DGKI: variants seen among roughly 807,000 people sequenced by gnomAD.
DGKI encodes DAG kinase iota.
In DGKI, 55 loss-of-function variants were observed where a neutral mutation model predicts 147.5. The observed-to-expected ratio is 0.37, with a 90% CI of 0.30 to 0.47. The LOEUF (loss-of-function observed/expected upper bound fraction) is 0.47. Ranked by LOEUF, DGKI falls within the 20% of genes least tolerant of loss-of-function variation. The pLI is 1.00. For synonymous variants in DGKI, 469 were observed against 477.1 expected, an observed-to-expected ratio of 0.98 and a Z score of 0.22; for missense variants, 1,007 against 1,323.8, an observed-to-expected ratio of 0.76 and a Z score of 3.71.
At chr7:137,572,710 T>A in intron 18 of DGKI, 55 bp downstream of exon 18, 1 of 1,223,278 alleles carries the variant, frequency 8.2e-7, no homozygotes, top group Non-Finnish European at 1.2e-6. Flanking sequence ...TGAAAACAGA[T>A]AACCTCAAGT....
intron 21 of DGKI, among the ~76,000 whole-genome samples, chr7:137,502,125 T>G (rs1816195619): frequency 6.6e-6 from 1 of 152,154 alleles, no homozygotes; most frequent in Non-Finnish European, 1.5e-5. Flanking sequence ...CTCTTTCCTT[T>G]GTAAATTCCC....
rs181333951 is a variant in DGKI, at chr7:137,672,827, C to T, written c.606+5730G>A. Among the ~76,000 whole-genome samples, 294 of 126,508 alleles carry T rather than the reference C, an allele frequency of 2.3e-3. 1 individual carries two copies. The highest frequency in any genetic ancestry group is 8.7e-3 in the African/African-American group (280 of 32,172). 83.0% of individuals were successfully genotyped at this position (126,508 alleles called of 152,430 possible). ...GGGAGTTTCGCTCTTTTTGCCCAGG[C>T]TGGAGTGCAATGGCACGATCTCGGC... On this transcript the variant is annotated intron_variant, in intron 3 of 32. Transcript: ENST00000614521.
chr7:137,397,335 G>A (rs1490188258), intron 31 of DGKI, 42 bp downstream of exon 31: 5 of 1,580,048 alleles, frequency 3.2e-6, no homozygotes, highest in Admixed American at 1.7e-5. Context: ...GATATGTTCT[G>A]AAGAAAATAA....
chr7:137,583,967 CAT>C (rs1360126366), intron 14 of DGKI, among the ~76,000 whole-genome samples: 2 of 152,042 alleles, frequency 1.3e-5, no homozygotes, highest in African/African-American at 4.8e-5. Flanking sequence ...CAGAGTAAAA[CAT>C]GTTTTAATCT....
At chr7:137,726,437 G>A (rs985589207) in intron 1 of DGKI, among the ~76,000 whole-genome samples, 1 of 151,982 alleles carries the variant, frequency 6.6e-6, no homozygotes, top group African/African-American at 2.4e-5. Context: ...AGAAAATCAG[G>A]TAAGATAATT....
intron 32 of DGKI, 132 bp downstream of exon 32, chr7:137,395,466 T>A: frequency 1.4e-6 from 1 of 723,512 alleles, no homozygotes; most frequent in Non-Finnish European, 2.3e-6. Flanking sequence ...CTCTATTTTT[T>A]CCTCCTTTTT....
intron 24 of DGKI, among the ~76,000 whole-genome samples, chr7:137,469,088 A>G (rs992417094): frequency 2.6e-5 from 4 of 152,250 alleles, no homozygotes; most frequent in African/African-American, 9.6e-5. Flanking sequence ...GGATCTGAGC[A>G]GATTTGAATG....
intron 7 of DGKI, among the ~76,000 whole-genome samples, chr7:137,623,242 G>C (rs1304358567): frequency 6.6e-6 from 1 of 152,154 alleles, no homozygotes. Context: ...TCTAGTCTTT[G>C]ACCCCAAGCT....
chr7:137,677,049 A>C (rs1201070131), intron 3 of DGKI, among the ~76,000 whole-genome samples: 1 of 152,224 alleles, frequency 6.6e-6, no homozygotes, highest in Non-Finnish European at 1.5e-5. Flanking sequence ...TTACGCAATT[A>C]ACCAAGACAC....
At chr7:137,709,879 ATACTT>A (rs1487202841) in intron 1 of DGKI, among the ~76,000 whole-genome samples, 2 of 152,118 alleles carry the variant, frequency 1.3e-5, no homozygotes, top group Admixed American at 6.5e-5. Context: ...AAATGAATAA[ATACTT>A]TAAAAAGAAC....
At chr7:137,667,737 T>C (rs543053594) in intron 3 of DGKI, among the ~76,000 whole-genome samples, 3 of 152,210 alleles carry the variant, frequency 2.0e-5, no homozygotes, top group Non-Finnish European at 4.4e-5. Flanking sequence ...TCCAAGCTAT[T>C]TGGTGACATA....
At chr7:137,614,650 A>G (rs1489951210) in intron 8 of DGKI, among the ~76,000 whole-genome samples, 2 of 152,144 alleles carry the variant, frequency 1.3e-5, no homozygotes, top group Non-Finnish European at 1.5e-5. Context: ...ATCTCTCTAA[A>G]TAATGAGGTG....
intron 30 of DGKI, among the ~76,000 whole-genome samples, chr7:137,406,883 TTAAA>T (rs1485709689): frequency 8.1e-6 from 1 of 123,882 alleles, no homozygotes; most frequent in Non-Finnish European, 1.6e-5. Flanking sequence ...CAAATATTTG[TTAAA>T]TGAATGAATC....
intron 21 of DGKI, among the ~76,000 whole-genome samples, chr7:137,502,798 T>C (rs1816225615): frequency 1.3e-5 from 2 of 152,284 alleles, no homozygotes; most frequent in South Asian, 4.1e-4. Flanking sequence ...TTCTGAACTA[T>C]TCCTACTTTC....
At chr7:137,639,393 C>T (rs115462428) in intron 6 of DGKI, among the ~76,000 whole-genome samples, 1 of 152,186 alleles carries the variant, frequency 6.6e-6, no homozygotes, top group Non-Finnish European at 1.5e-5. Context: ...GATCAGGGAA[C>T]AAAGAGGCCA....
At position 137,846,589 on chromosome 7, in the gene DGKI, C is replaced by T. The variant is rs762019681; in HGVS notation, c.274G>A (p.Ala92Thr). 8.3e-7 allele frequency: 1 copy of T among 1,202,446 alleles called. No homozygotes were observed. Among genetic ancestry groups the T allele is most frequent in the Non-Finnish European group, 1.0e-6 (1 of 969,622 alleles). 74.5% of individuals were successfully genotyped at this position (1,202,446 alleles called of 1,614,324 possible). A position where few individuals can be genotyped will look rare whatever the true frequency, so the allele number is the denominator to read the frequency against. ...GAEGGADPRG[A>T]GSAAAAGAAA... The stretch of plus-strand genomic sequence containing the variant: ...GCCCCCGCCGCCGCGGCTGACCCTG[C>T]GCCCCGCGGGTCCGCGCCGCCCTCG... Residue 92 changes from alanine to threonine, a missense_variant, in exon 1 of 33, where the codon GCA becomes ACA. Ala to Thr is a moderately conservative substitution (Grantham distance 58). This residue lies in a region of DGKI where 137 missense variants were observed against 114.4 expected (regional missense o/e 1.20). Coordinates refer to ENST00000614521, the MANE Select transcript of DGKI (RefSeq NM_001321708.2). The surrounding 1 kb of genome is among the most constrained non-coding windows in gnomAD (Gnocchi z 4.0).
Position 137,384,407 on chromosome 7 carries a change from T to TTTC in DGKI, c.*6810_*6812dup. On this transcript the variant is annotated 3_prime_UTR_variant, in exon 33 of 33. Coordinates refer to ENST00000614521, the MANE Select transcript of DGKI (RefSeq NM_001321708.2). The stretch of plus-strand genomic sequence containing the variant: ...GTGGAAACTTAGGTAAACATTTTTT[T>TTTC]TTCATGGAGGCAACTTCTATATTAT... 1.3e-5 allele frequency: 2 copies of TTTC among 151,892 alleles called. No individual in the cohort carries two copies. The highest frequency in any genetic ancestry group is 4.1e-4 in the South Asian group (2 of 4,822). 9.4% of individuals were successfully genotyped at this position (151,892 alleles called of 1,614,324 possible).
chr7:137,620,780 T>C (rs1170054894), intron 7 of DGKI, among the ~76,000 whole-genome samples: 3 of 152,192 alleles, frequency 2.0e-5, no homozygotes, highest in Non-Finnish European at 4.4e-5. Flanking sequence ...TGTGTGACTA[T>C]AAAGTGATAG....
intron 6 of DGKI, among the ~76,000 whole-genome samples, chr7:137,637,869 GA>G (rs1821369299): frequency 6.6e-6 from 1 of 152,086 alleles, no homozygotes; most frequent in African/African-American, 2.4e-5. Flanking sequence ...AATTAAAGGA[GA>G]TTTTTTTCTG....
Sources: allele counts gnomAD v4.1 joint callset (sites outside exome capture counted in the v4.1 genomes callset), GRCh38; gene constraint gnomAD v4.1.1; regional missense constraint gnomAD v4.1.1; non-coding constraint Gnocchi (gnomAD v3.1); transcripts MANE v1.5; gene names NCBI Gene and HGNC (gene_info 2026-07-23, HGNC 2026-07-21).